Variants in ZEB2 observed in about 807,000 individuals in gnomAD.
The protein encoded by ZEB2 is zinc finger E-box-binding homeobox 2.
In ZEB2, 6 loss-of-function variants were observed where a neutral mutation model predicts 99.9. The observed-to-expected ratio is 0.06, with a 90% CI of 0.03 to 0.12. The LOEUF (loss-of-function observed/expected upper bound fraction) is 0.12, where lower values mean the gene tolerates loss of function less well. Among genes scored for constraint, ZEB2 ranks in the 10% least tolerant of loss-of-function variants. The pLI is 1.00. For synonymous variants in ZEB2, 517 were observed against 542.5 expected (o/e 0.95, Z 0.65); for missense variants, 969 against 1,502.8 (o/e 0.64, Z 5.87).
chr2:144,487,311 C>T (rs995653813), intron 2 of ZEB2, among the ~76,000 whole-genome samples: 1 of 152,040 alleles, frequency 6.6e-6, no homozygotes, highest in African/African-American at 2.4e-5. Flanking sequence ...CAAAGGCACA[C>T]AACAGGTAGG....
intron 2 of ZEB2, among the ~76,000 whole-genome samples, chr2:144,473,404 G>A (rs1388429838): frequency 2.0e-5 from 3 of 152,112 alleles, no homozygotes; most frequent in East Asian, 1.9e-4. Context: ...GTCCTAAAAC[G>A]TGGCTGGCTT....
chr2:144,480,254 C>T (rs1226021761), intron 2 of ZEB2, among the ~76,000 whole-genome samples: 2 of 152,106 alleles, frequency 1.3e-5, no homozygotes, highest in Non-Finnish European at 1.5e-5. Flanking sequence ...ATAGCCCCAT[C>T]ACCTGGGAGA....
At chr2:144,502,507 A>G (rs1416256779) in intron 2 of ZEB2, among the ~76,000 whole-genome samples, 4 of 152,286 alleles carry the variant, frequency 2.6e-5, no homozygotes, top group Middle Eastern at 3.4e-3. Context: ...AGCTCCCTGT[A>G]TCTTCTCACT....
At chr2:144,445,826 T>G (rs1357357881) in intron 2 of ZEB2, among the ~76,000 whole-genome samples, 1 of 152,176 alleles carries the variant, frequency 6.6e-6, no homozygotes, top group East Asian at 1.9e-4. Context: ...TCAGGCAGTA[T>G]TCCTAGGACT....
intron 2 of ZEB2, among the ~76,000 whole-genome samples, chr2:144,459,348 A>C (rs1239523798): frequency 6.6e-6 from 1 of 152,224 alleles, no homozygotes; most frequent in African/African-American, 2.4e-5. Context: ...AGAAGGAACT[A>C]CTAAAATACT....
Position 144,517,361 on chromosome 2 carries a change from G to T in ZEB2, c.-11C>A, listed in dbSNP as rs201498865. 1.2e-6 allele frequency: 2 copies of T among 1,613,626 alleles called. No individual in the cohort carries two copies. The highest frequency in any genetic ancestry group is 4.5e-5 in the East Asian group (2 of 44,836). On this transcript the variant is annotated 5_prime_UTR_variant, in exon 2 of 10. Transcript: ENST00000627532. ...GATCGGCTGCTTCATTGATAAGAGC[G>T]GATCAGATGGCAGTTCGCATGGACT...
chr2:144,463,974 A>G (rs986698575), intron 2 of ZEB2: 1 of 152,274 alleles, frequency 6.6e-6, no homozygotes, highest in Non-Finnish European at 1.5e-5. Flanking sequence ...GAAAGAGTGG[A>G]TACTGAGGCT....
At chr2:144,513,969 T>A in intron 2 of ZEB2, 1 of 1,318,546 alleles carries the variant, frequency 7.6e-7, no homozygotes, top group Non-Finnish European at 1.0e-6. Context: ...ACTCGCTTTT[T>A]GCCTCCTTCC....
At chr2:144,455,955 G>GC (rs1161458221) in intron 2 of ZEB2, among the ~76,000 whole-genome samples, 1 of 152,040 alleles carries the variant, frequency 6.6e-6, no homozygotes, top group Non-Finnish European at 1.5e-5. Flanking sequence ...TATTTTCCAA[G>GC]CAGTACTTAA....
intron 4 of ZEB2, among the ~76,000 whole-genome samples, chr2:144,422,539 C>A (rs1004983888): frequency 6.6e-6 from 1 of 152,234 alleles, no homozygotes; most frequent in African/African-American, 2.4e-5. Context: ...GTGGCACATG[C>A]CTGTAATCCC....
intron 2 of ZEB2, among the ~76,000 whole-genome samples, chr2:144,452,834 G>A (rs900775911): frequency 2.0e-5 from 3 of 152,156 alleles, no homozygotes; most frequent in African/African-American, 7.2e-5. Context: ...AAACATTTAC[G>A]TGGGGACAGG....
chr2:144,433,747 A>C (rs1703802678), intron 2 of ZEB2, among the ~76,000 whole-genome samples: 1 of 152,188 alleles, frequency 6.6e-6, no homozygotes, highest in South Asian at 2.1e-4. Context: ...TTATATCACT[A>C]TGCCAATTAA....
chr2:144,385,018 T>A lies in ZEB2; in HGVS notation c.*4433A>T, dbSNP rs537854824. ...TTGTGATGTGTTCACATATATGTCA[T>A]AATATTTATTAATATATAGAATGAT... On this transcript the variant is annotated 3_prime_UTR_variant, in exon 10 of 10. Coordinates refer to ENST00000627532, the MANE Select transcript of ZEB2 (RefSeq NM_014795.4). 6.6e-6 allele frequency: 1 copy of A among 151,922 alleles called. No homozygotes were observed. Among genetic ancestry groups the A allele is most frequent in the Admixed American group, 6.6e-5 (1 of 15,204 alleles). 9.4% of individuals were successfully genotyped at this position (151,922 alleles called of 1,614,324 possible).
At chr2:144,424,910 G>C (rs756157260) in intron 3 of ZEB2, 43 bp from the exon 4 acceptor site, 1 of 1,596,916 alleles carries the variant, frequency 6.3e-7, no homozygotes, top group Admixed American at 1.7e-5. Flanking sequence ...ATTGTAGAAA[G>C]GCTTACTATA....
intron 6 of ZEB2, among the ~76,000 whole-genome samples, chr2:144,402,116 A>G (rs1446702109): frequency 1.3e-5 from 2 of 152,182 alleles, no homozygotes; most frequent in Non-Finnish European, 2.9e-5. Flanking sequence ...AAGTTTCCTG[A>G]AAAGACAAGT....
chr2:144,479,586 C>T (rs758642094), intron 2 of ZEB2, among the ~76,000 whole-genome samples: 1 of 146,222 alleles, frequency 6.8e-6, no homozygotes, highest in Non-Finnish European at 1.5e-5. Context: ...TAAAGACTCC[C>T]AATTTATGGC....
At chr2:144,479,426 T>C (rs1560642000) in intron 2 of ZEB2, among the ~76,000 whole-genome samples, 1 of 152,282 alleles carries the variant, frequency 6.6e-6, no homozygotes, top group East Asian at 1.9e-4. Flanking sequence ...CCTGCTGGAA[T>C]GCAGGGAGAA....
At chr2:144,466,702 C>T (rs1348478336) in intron 2 of ZEB2, among the ~76,000 whole-genome samples, 2 of 152,158 alleles carry the variant, frequency 1.3e-5, no homozygotes, top group African/African-American at 2.4e-5. Flanking sequence ...AACAATAAAA[C>T]CTCAAACGGA....
chr2:144,432,168 G>C (rs55915727), intron 2 of ZEB2, among the ~76,000 whole-genome samples: 107 of 152,228 alleles, frequency 7.0e-4, no homozygotes, highest in African/African-American at 2.5e-3. Context: ...CCAAATATCA[G>C]AACAATCTAA....
Sources: gnomAD v4.1 joint callset for allele counts (sites outside exome capture counted in the v4.1 genomes callset) on GRCh38, gnomAD v4.1.1 for gene constraint, MANE v1.5 for transcripts, NCBI Gene and HGNC (gene_info 2026-07-23, HGNC 2026-07-21) for gene names.